LINGO2: variants seen among roughly 807,000 people sequenced by gnomAD.
The protein encoded by LINGO2 is leucine rich repeat and Ig domain containing 2, also known as leucine-rich repeat and immunoglobulin-like domain-containing nogo receptor-interacting protein 2.
LINGO2 carries 14 observed loss-of-function variants against 30.6 expected under a neutral mutation model. That is an observed-to-expected ratio of 0.46 (90% CI 0.30 to 0.72). The LOEUF (loss-of-function observed/expected upper bound fraction) is 0.72. Among genes scored for constraint, LINGO2 ranks in the 30% least tolerant of loss-of-function variants. The pLI is 0.07. For missense variants in LINGO2, 729 were observed against 751.7 expected (o/e 0.97, Z 0.35); for synonymous variants, 317 against 288.5 (o/e 1.10, Z -1.00).
At chr9:28,635,673 G>A (rs1442457200) in intron 1 of LINGO2, among the ~76,000 whole-genome samples, 4 of 151,918 alleles carry the variant, frequency 2.6e-5, no homozygotes, top group African/African-American at 9.7e-5. Flanking sequence ...AAAGTCATAA[G>A]TAAAAGTAAA....
intron 3 of LINGO2, among the ~76,000 whole-genome samples, chr9:28,296,973 A>G (rs548880185): frequency 6.6e-6 from 1 of 152,270 alleles, no homozygotes; most frequent in Non-Finnish European, 1.5e-5. Context: ...TATAAAACAA[A>G]CCTGTTTTCA....
At chr9:28,122,921 A>G (rs941984162) in intron 4 of LINGO2, among the ~76,000 whole-genome samples, 6 of 152,252 alleles carry the variant, frequency 3.9e-5, no homozygotes, top group African/African-American at 9.6e-5. Context: ...TTATTGTGCT[A>G]GGATTACAAA....
At chr9:28,977,681 T>C in the LINGO2 span, among the ~76,000 whole-genome samples, 2 of 152,108 alleles carry the variant, frequency 1.3e-5, no homozygotes, top group African/African-American at 4.8e-5. Flanking sequence ...ACATGTAAAA[T>C]GGCATTGTAA....
chr9:28,912,140 A>C, the LINGO2 span, among the ~76,000 whole-genome samples: 5 of 152,174 alleles, frequency 3.3e-5, no homozygotes, highest in South Asian at 4.1e-4. Flanking sequence ...AGATGACTTC[A>C]TGTATGCTCT....
chr9:28,852,845 TCCTTCTCAG>T, the LINGO2 span, among the ~76,000 whole-genome samples: 10 of 152,050 alleles, frequency 6.6e-5, no homozygotes, highest in African/African-American at 2.4e-4. Context: ...AAGGATACAG[TCCTTCTCAG>T]CCTAACAAGT....
At chr9:28,711,510 C>A in the LINGO2 span, among the ~76,000 whole-genome samples, 1 of 152,120 alleles carries the variant, frequency 6.6e-6, no homozygotes, top group Admixed American at 6.6e-5. Flanking sequence ...CCACCACACT[C>A]CCTGAACAGC....
intron 2 of LINGO2, among the ~76,000 whole-genome samples, chr9:28,386,252 T>C (rs1037836733): frequency 6.6e-6 from 1 of 152,190 alleles, no homozygotes; most frequent in African/African-American, 2.4e-5. Context: ...GACACTGATG[T>C]GCACATGAGA....
intron 1 of LINGO2, among the ~76,000 whole-genome samples, chr9:28,477,966 A>G (rs1186976045): frequency 6.6e-6 from 1 of 152,136 alleles, no homozygotes; most frequent in Non-Finnish European, 1.5e-5. Flanking sequence ...GTCTTCAGCA[A>G]CTAAGGACTT....
chr9:28,887,521 C>T, the LINGO2 span, among the ~76,000 whole-genome samples: 1 of 151,856 alleles, frequency 6.6e-6, no homozygotes, highest in African/African-American at 2.4e-5. Flanking sequence ...AAAAGAAGGG[C>T]ATGTTCAGGG....
At chr9:28,426,945 T>C (rs1375599897) in intron 2 of LINGO2, among the ~76,000 whole-genome samples, 3 of 152,108 alleles carry the variant, frequency 2.0e-5, no homozygotes, top group Non-Finnish European at 4.4e-5. Context: ...GGTATTCTTA[T>C]TTATTAATAT....
the LINGO2 span, among the ~76,000 whole-genome samples, chr9:28,989,962 C>T: frequency 2.0e-5 from 3 of 152,144 alleles, no homozygotes; most frequent in African/African-American, 4.8e-5. Flanking sequence ...CCAGCGTGAG[C>T]GACGCAGAAG....
At chr9:28,123,810 C>T (rs1211273821) in intron 4 of LINGO2, among the ~76,000 whole-genome samples, 1 of 151,820 alleles carries the variant, frequency 6.6e-6, no homozygotes, top group African/African-American at 2.4e-5. Context: ...ACTACAGGCA[C>T]CCGCCACCAC....
At chr9:29,014,526 G>GA in the LINGO2 span, among the ~76,000 whole-genome samples, 3 of 151,654 alleles carry the variant, frequency 2.0e-5, no homozygotes, top group African/African-American at 4.8e-5. Flanking sequence ...GTGATTGAGA[G>GA]AAAAAAAACT....
At chr9:29,122,487 T>C in the LINGO2 span, among the ~76,000 whole-genome samples, 1 of 152,056 alleles carries the variant, frequency 6.6e-6, no homozygotes, top group African/African-American at 2.4e-5. Context: ...AGGCAGAAGG[T>C]GAAATGTGTT....
chr9:28,858,554 G>A, the LINGO2 span, among the ~76,000 whole-genome samples: 5 of 151,882 alleles, frequency 3.3e-5, no homozygotes, highest in African/African-American at 9.7e-5. Context: ...CTGTCCCCCC[G>A]TCGCAGCTCT....
At chr9:29,086,595 C>A in the LINGO2 span, among the ~76,000 whole-genome samples, 1 of 151,856 alleles carries the variant, frequency 6.6e-6, no homozygotes, top group African/African-American at 2.4e-5. Context: ...TAATGTTCTT[C>A]TAGGAAAGTA....
At chr9:28,256,937 C>A (rs1203398922) in intron 4 of LINGO2, among the ~76,000 whole-genome samples, 1 of 151,812 alleles carries the variant, frequency 6.6e-6, no homozygotes, top group East Asian at 1.9e-4. Context: ...CTGCTATGTA[C>A]AATTTTTATT....
chr9:28,363,419 T>C (rs565250488), intron 3 of LINGO2, among the ~76,000 whole-genome samples: 2 of 152,350 alleles, frequency 1.3e-5, no homozygotes, highest in South Asian at 4.1e-4. Context: ...TCTGCTAGTA[T>C]GTAATTTGAT....
the LINGO2 span, among the ~76,000 whole-genome samples, chr9:29,161,240 G>A: frequency 2.0e-5 from 3 of 152,210 alleles, no homozygotes; most frequent in African/African-American, 7.2e-5. Flanking sequence ...TAGACAGTGT[G>A]AGGGAGCTAG....
Sources: allele counts gnomAD v4.1 joint callset (sites outside exome capture counted in the v4.1 genomes callset), GRCh38; gene constraint gnomAD v4.1.1; transcripts MANE v1.5; gene names NCBI Gene and HGNC (gene_info 2026-07-23, HGNC 2026-07-21).